Variants in CIB2 observed in about 807,000 individuals in gnomAD.
The protein encoded by CIB2 is calcium and integrin-binding family member 2.
A neutral mutation model predicts 23.1 loss-of-function variants in CIB2; 19 were observed. The observed-to-expected ratio is 0.82, with a 90% CI of 0.57 to 1.21. The LOEUF (loss-of-function observed/expected upper bound fraction) is 1.21. Ranked by LOEUF, CIB2 falls within the 50% of genes most tolerant of loss-of-function variation. The pLI is 0.00. For synonymous variants in CIB2, 94 were observed against 91.7 expected, an observed-to-expected ratio of 1.03 and a Z score of -0.14; for missense variants, 220 against 241.5, an observed-to-expected ratio of 0.91 and a Z score of 0.59.
chr15:78,108,040 C>T (rs1437479754), intron 4 of CIB2, among the ~76,000 whole-genome samples: 1 of 151,478 alleles, frequency 6.6e-6, no homozygotes, highest in Non-Finnish European at 1.5e-5. Flanking sequence ...GGTGTAGTGG[C>T]GGGCACCTGT....
chr15:78,114,070 T>C (rs890010819), intron 2 of CIB2, among the ~76,000 whole-genome samples: 36 of 152,328 alleles, frequency 2.4e-4, no homozygotes, highest in African/African-American at 8.4e-4. Context: ...TAAGTTTCTC[T>C]ATCAGTAAAG....
Position 78,131,321 on chromosome 15 carries a change from C to CT in CIB2, c.-107dup. ...CCCGCGGCCCTCGGCAGCCCCGCGG[C>CT]TGGCAGCGGCCCACGGTGGCCGGAC... On this transcript the variant is annotated 5_prime_UTR_variant, in exon 1 of 6. Coordinates refer to ENST00000258930, the MANE Select transcript of CIB2 (RefSeq NM_006383.4). This position sits in a 1 kb window ranked among gnomAD's most constrained non-coding sequence, Gnocchi z 5.8. The CT allele has an allele frequency of 1.1e-6, 1 of 927,538 alleles. No homozygotes were observed. Among genetic ancestry groups the CT allele is most frequent in the Non-Finnish European group, 1.3e-6 (1 of 742,018 alleles). The allele number at this position is 927,538 out of a possible 1,614,324, so 57.5% of individuals were successfully genotyped here. A position where few individuals can be genotyped will look rare whatever the true frequency, so the allele number is the denominator to read the frequency against.
intron 4 of CIB2, 69 bp downstream of exon 4, chr15:78,109,166 C>T (rs1169075799): frequency 4.5e-6 from 7 of 1,539,692 alleles, no homozygotes; most frequent in African/African-American, 1.4e-5. Flanking sequence ...CCAGTAGTAA[C>T]CAGACAGCCT....
Position 78,105,079 on chromosome 15 carries a change from G to A in CIB2, c.*232C>T. Reference sequence around the variant, plus strand: ...TGGGGCGGGGTGCGGAGGGCCTGGAGAGAGGCCATGGGTCCCGGGGCTGGA... The same window carrying A: ...TGGGGCGGGGTGCGGAGGGCCTGGAAAGAGGCCATGGGTCCCGGGGCTGGA... On this transcript the variant is annotated 3_prime_UTR_variant, in exon 6 of 6. Transcript: ENST00000258930. 1.8e-6 allele frequency: 1 copy of A among 568,562 alleles called. No individual in the cohort carries two copies. Among genetic ancestry groups the A allele is most frequent in the Non-Finnish European group, 3.1e-6 (1 of 321,388 alleles). The allele number at this position is 568,562 out of a possible 1,614,324, so 35.2% of individuals were successfully genotyped here. A position where few individuals can be genotyped will look rare whatever the true frequency, so the allele number is the denominator to read the frequency against.
intron 1 of CIB2, among the ~76,000 whole-genome samples, chr15:78,130,669 C>A (rs1209411540): frequency 1.3e-5 from 2 of 152,140 alleles, no homozygotes; most frequent in East Asian, 1.9e-4. Flanking sequence ...CGAACCCCAG[C>A]CGATAAACAA....
At chr15:78,128,962 G>A (rs1158404329) in intron 1 of CIB2, among the ~76,000 whole-genome samples, 1 of 152,174 alleles carries the variant, frequency 6.6e-6, no homozygotes, top group Non-Finnish European at 1.5e-5. Flanking sequence ...TGAAATGGCT[G>A]GAGGAGCAGC....
intron 2 of CIB2, among the ~76,000 whole-genome samples, chr15:78,122,487 G>A (rs2074332873): frequency 6.6e-6 from 1 of 152,210 alleles, no homozygotes; most frequent in Admixed American, 6.5e-5. Context: ...TGCCAGGGGT[G>A]ACAGCTTTGT....
chr15:78,123,452 C>T (rs1262757306), intron 2 of CIB2, among the ~76,000 whole-genome samples: 1 of 152,120 alleles, frequency 6.6e-6, no homozygotes, highest in Non-Finnish European at 1.5e-5. Flanking sequence ...TAAGAATGTG[C>T]CGGAAACTAC....
At chr15:78,109,485 T>C in intron 3 of CIB2, 103 bp from the exon 4 acceptor site, 1 of 1,304,438 alleles carries the variant, frequency 7.7e-7, no homozygotes, top group Non-Finnish European at 1.1e-6. Flanking sequence ...AGTGACCAAA[T>C]CCCTCTGAGC....
intron 2 of CIB2, among the ~76,000 whole-genome samples, chr15:78,113,816 C>G (rs1388095897): frequency 1.3e-5 from 2 of 152,232 alleles, no homozygotes; most frequent in Non-Finnish European, 2.9e-5. Context: ...AAGGCATCTT[C>G]TTTCATAATT....
chr15:78,105,597 G>A, intron 5 of CIB2, 142 bp downstream of exon 5: 1 of 1,528,328 alleles, frequency 6.5e-7, no homozygotes, highest in Non-Finnish European at 8.8e-7. Context: ...ACACGTCTAG[G>A]GCAAGGGTGG....
At chr15:78,126,141 C>CG (rs1555427589) in intron 1 of CIB2, among the ~76,000 whole-genome samples, 1 of 88,330 alleles carries the variant, frequency 1.1e-5, no homozygotes, top group Non-Finnish European at 2.1e-5. Context: ...CTTTCCCCTG[C>CG]CCCCCCCCCT....
chr15:78,106,067 A>C, intron 4 of CIB2, 133 bp from the exon 5 acceptor site: 1 of 719,216 alleles, frequency 1.4e-6, no homozygotes, highest in Non-Finnish European at 2.3e-6. Flanking sequence ...CTCCATGCAC[A>C]CTCTTGGGAT....
At chr15:78,105,702 C>G in intron 5 of CIB2, 37 bp downstream of exon 5, 1 of 1,613,070 alleles carries the variant, frequency 6.2e-7, no homozygotes, top group South Asian at 1.1e-5. Flanking sequence ...CTGCCCTGCT[C>G]TGCCCTGCCC....
At position 78,109,269 on chromosome 15, in the gene CIB2, TCGGGGAGCCGA is replaced by T. The variant is rs1567049981; in HGVS notation, c.301_311del (p.Ser101ArgfsTer12). The T allele has an allele frequency of 6.3e-6, 10 of 1,587,738 alleles. No individual in the cohort carries two copies. The highest frequency in any genetic ancestry group is 7.7e-6 in the Non-Finnish European group (9 of 1,165,088). On this transcript the variant is annotated frameshift_variant, in exon 4 of 6. Coordinates refer to ENST00000258930, the MANE Select transcript of CIB2 (RefSeq NM_006383.4). LOFTEE classifies it high-confidence loss of function. Reference sequence around the variant, plus strand: ...TGAAGGCATAGTTTGCCTTGAGCTCTCGGGGAGCCGACTCGCAGAGCACGGAAAACATGTCC... The same window carrying T: ...TGAAGGCATAGTTTGCCTTGAGCTCTCTCGCAGAGCACGGAAAACATGTCC...
At chr15:78,127,313 C>T (rs2074394347) in intron 1 of CIB2, among the ~76,000 whole-genome samples, 2 of 152,118 alleles carry the variant, frequency 1.3e-5, no homozygotes, top group South Asian at 4.1e-4. Context: ...GAGCAAGTGC[C>T]CCATCACTGC....
chr15:78,130,296 G>A (rs1233672092), intron 1 of CIB2, among the ~76,000 whole-genome samples: 2 of 152,184 alleles, frequency 1.3e-5, no homozygotes, highest in Non-Finnish European at 2.9e-5. Context: ...GAGGGAGAGA[G>A]GGAGGGAGGA....
At chr15:78,117,027 C>A (rs1196037225) in intron 2 of CIB2, among the ~76,000 whole-genome samples, 2 of 147,176 alleles carry the variant, frequency 1.4e-5, no homozygotes, top group Admixed American at 6.7e-5. Flanking sequence ...ATCAAAAAAA[C>A]CATGAAAGTT....
chr15:78,127,089 G>A (rs1294131684), intron 1 of CIB2, among the ~76,000 whole-genome samples: 1 of 152,188 alleles, frequency 6.6e-6, no homozygotes, highest in Non-Finnish European at 1.5e-5. Context: ...GAGCAAATGA[G>A]ATAAGGTACA....
Sources: allele counts gnomAD v4.1 joint callset (sites outside exome capture counted in the v4.1 genomes callset), GRCh38; gene constraint gnomAD v4.1.1; non-coding constraint Gnocchi (gnomAD v3.1); transcripts MANE v1.5; gene names NCBI Gene and HGNC (gene_info 2026-07-23, HGNC 2026-07-21).